ASCC3: variants seen among roughly 807,000 people sequenced by gnomAD.
ASCC3 encodes the protein activating signal cointegrator 1 complex subunit 3.
Under a neutral mutation model 256.3 loss-of-function variants are expected in ASCC3, and 158 were observed. The ratio of observed to expected loss-of-function variants is 0.62; its 90% CI spans 0.54 to 0.70. The LOEUF is 0.70. Among genes scored for constraint, ASCC3 ranks in the 30% least tolerant of loss-of-function variants. ASCC3 has a pLI of 0.00. For synonymous variants in ASCC3, 948 were observed against 883.4 expected (o/e 1.07, Z -1.30); for missense variants, 2,259 against 2,626.0 (o/e 0.86, Z 3.05).
At chr6:100,637,086 G>T (rs1229364294) in intron 25 of ASCC3, among the ~76,000 whole-genome samples, 1 of 152,138 alleles carries the variant, frequency 6.6e-6, no homozygotes, top group Non-Finnish European at 1.5e-5. Flanking sequence ...TGTCATCAAG[G>T]ACTTTCACAG....
At chr6:100,559,549 C>T (rs1018613075) in intron 36 of ASCC3, among the ~76,000 whole-genome samples, 13 of 152,006 alleles carry the variant, frequency 8.6e-5, no homozygotes, top group African/African-American at 2.9e-4. Context: ...AGTCATTGGA[C>T]GTATAAATTC....
chr6:100,732,461 C>T (rs1779947343), intron 10 of ASCC3, among the ~76,000 whole-genome samples: 1 of 151,940 alleles, frequency 6.6e-6, no homozygotes. Context: ...TGAAAATGAC[C>T]GTTAATTAAG....
intron 13 of ASCC3, among the ~76,000 whole-genome samples, chr6:100,713,904 A>C (rs1778977255): frequency 6.6e-6 from 1 of 152,176 alleles, no homozygotes; most frequent in Non-Finnish European, 1.5e-5. Flanking sequence ...ACTTACACTG[A>C]ATTTATGATA....
At chr6:100,681,257 C>T (rs1352825673) in intron 13 of ASCC3, among the ~76,000 whole-genome samples, 2 of 151,840 alleles carry the variant, frequency 1.3e-5, no homozygotes, top group African/African-American at 4.8e-5. Context: ...TTCCTCAAAA[C>T]AAAGCAAAAC....
At chr6:100,591,933 G>C (rs1772018265) in intron 34 of ASCC3, among the ~76,000 whole-genome samples, 1 of 151,288 alleles carries the variant, frequency 6.6e-6, no homozygotes, top group Admixed American at 6.6e-5. Context: ...AAAAATTACA[G>C]GTTCTTTTAA....
chr6:100,601,261 A>C (rs983456401), intron 34 of ASCC3, among the ~76,000 whole-genome samples: 91 of 152,178 alleles, frequency 6.0e-4, no homozygotes, highest in East Asian at 1.4e-3. Context: ...CACACTAAAG[A>C]TCAGCCCTTA....
At chr6:100,591,118 T>C (rs989089652) in intron 34 of ASCC3, among the ~76,000 whole-genome samples, 2 of 152,132 alleles carry the variant, frequency 1.3e-5, no homozygotes, top group African/African-American at 4.8e-5. Flanking sequence ...AATAAAGCAA[T>C]ATTAATCAAT....
rs774260402 is a variant in ASCC3, at chr6:100,670,640, TC to T, written c.2287-8105del. 1.1e-4 allele frequency among the ~76,000 whole-genome samples: 15 copies of T among 139,956 alleles called. No homozygotes were observed. The South Asian group carries it at 1.8e-3, about 17-fold the overall frequency. 91.8% of individuals were successfully genotyped at this position (139,956 alleles called of 152,430 possible). ...CAGAACAGATACAACCAACTTTTTTTCCCCCCCAAATTCTTTTAATCCGCAG... is the reference window on the plus strand; with the variant it reads ...CAGAACAGATACAACCAACTTTTTTTCCCCCCAAATTCTTTTAATCCGCAG... On this transcript the variant is annotated intron_variant, in intron 14 of 41. Coordinates refer to ENST00000369162, the MANE Select transcript of ASCC3 (RefSeq NM_006828.4).
intron 8 of ASCC3, among the ~76,000 whole-genome samples, chr6:100,787,579 G>A (rs1297138892): frequency 1.2e-4 from 18 of 152,012 alleles, no homozygotes; most frequent in Admixed American, 1.2e-3. Context: ...ACTAACACCT[G>A]TTTTCAAGAC....
intron 3 of ASCC3, among the ~76,000 whole-genome samples, chr6:100,852,185 A>C (rs1772714155): frequency 6.6e-6 from 1 of 152,326 alleles, no homozygotes; most frequent in East Asian, 1.9e-4. Context: ...TGTAAAATGT[A>C]GACAAAGTAT....
At chr6:100,532,374 G>A (rs12208107) in intron 37 of ASCC3, among the ~76,000 whole-genome samples, 48 of 84,542 alleles carry the variant, frequency 5.7e-4, no homozygotes, top group African/African-American at 2.0e-3. Flanking sequence ...GTGTGTGTAT[G>A]TGTGTATATA....
intron 39 of ASCC3, among the ~76,000 whole-genome samples, chr6:100,514,004 A>G (rs1468937597): frequency 1.3e-5 from 2 of 151,920 alleles, no homozygotes; most frequent in African/African-American, 4.8e-5. Flanking sequence ...TTTAATATAT[A>G]CTATAGATTT....
chr6:100,712,403 A>C (rs79067754), intron 13 of ASCC3, among the ~76,000 whole-genome samples: 2,348 of 152,268 alleles, frequency 0.015, 24 homozygotes, highest in East Asian at 0.045. Flanking sequence ...TATACAAAGA[A>C]CTCTTAAAAC....
intron 13 of ASCC3, among the ~76,000 whole-genome samples, chr6:100,687,687 A>C (rs1777649894): frequency 6.6e-6 from 1 of 152,180 alleles, no homozygotes; most frequent in African/African-American, 2.4e-5. Flanking sequence ...AAGCCTAAAA[A>C]AACACATATT....
At chr6:100,576,546 G>A (rs1770872472) in intron 36 of ASCC3, among the ~76,000 whole-genome samples, 1 of 151,940 alleles carries the variant, frequency 6.6e-6, no homozygotes, top group Non-Finnish European at 1.5e-5. Flanking sequence ...TATAGAACCT[G>A]TAACAACTTA....
chr6:100,625,973 T>C (rs1373315318), intron 29 of ASCC3, among the ~76,000 whole-genome samples: 3 of 152,000 alleles, frequency 2.0e-5, no homozygotes, highest in Non-Finnish European at 4.4e-5. Flanking sequence ...GAGAATACTA[T>C]GCCTGAATGA....
chr6:100,538,734 A>G (rs1239199230), intron 37 of ASCC3, among the ~76,000 whole-genome samples: 1 of 152,090 alleles, frequency 6.6e-6, no homozygotes, highest in East Asian at 1.9e-4. Flanking sequence ...CCTGAGAGAT[A>G]CTTAGGTTAT....
At chr6:100,695,727 C>T (rs980993237) in intron 13 of ASCC3, among the ~76,000 whole-genome samples, 6 of 152,266 alleles carry the variant, frequency 3.9e-5, no homozygotes, top group Middle Eastern at 3.4e-3. Context: ...TCCTCTCTTT[C>T]TCTCTCCAGA....
intron 4 of ASCC3, among the ~76,000 whole-genome samples, chr6:100,835,390 T>C (rs931156137): frequency 1.3e-5 from 2 of 152,120 alleles, no homozygotes; most frequent in African/African-American, 4.8e-5. Context: ...TGTTGTTGTC[T>C]AGTAGACTTA....
Sources: allele counts gnomAD v4.1 joint callset (sites outside exome capture counted in the v4.1 genomes callset), GRCh38; gene constraint gnomAD v4.1.1; transcripts MANE v1.5; gene names NCBI Gene and HGNC (gene_info 2026-07-23, HGNC 2026-07-21).